The following MYO1D variants were observed in gnomAD, a reference collection of about 807,000 sequenced individuals.
MYO1D encodes unconventional myosin-Id.
MYO1D carries 83 observed loss-of-function variants against 122.0 expected under a neutral mutation model. The ratio of observed to expected loss-of-function variants is 0.68; its 90% CI spans 0.57 to 0.82. The LOEUF (loss-of-function observed/expected upper bound fraction) is 0.82. MYO1D is among the 40% of genes least tolerant of loss of function. The probability of loss-of-function intolerance (pLI) is 0.00; values close to 1 mark genes in which losing one functional copy is unlikely to be tolerated. For missense variants in MYO1D, 1,157 were observed against 1,269.5 expected (o/e 0.91, Z 1.35); for synonymous variants, 464 against 446.9 (o/e 1.04, Z -0.48).
chr17:32,761,376 T>C (rs1041864805), intron 8 of MYO1D, among the ~76,000 whole-genome samples: 2 of 152,212 alleles, frequency 1.3e-5, no homozygotes, highest in African/African-American at 4.8e-5. Context: ...TCTACATAGA[T>C]ACTTCTCGTA....
chr17:32,499,952 G>T (rs2150851990), intron 21 of MYO1D, among the ~76,000 whole-genome samples: 1 of 152,254 alleles, frequency 6.6e-6, no homozygotes, highest in Non-Finnish European at 1.5e-5. Context: ...GACAGAGCAA[G>T]ACCCCATCTT....
At chr17:32,687,088 C>T (rs2089024100) in intron 16 of MYO1D, among the ~76,000 whole-genome samples, 5 of 151,908 alleles carry the variant, frequency 3.3e-5, no homozygotes. Context: ...TTATTTAATA[C>T]AACTATACTA....
chr17:32,817,863 A>AC (rs1253262267), intron 1 of MYO1D, among the ~76,000 whole-genome samples: 1 of 152,052 alleles, frequency 6.6e-6, no homozygotes, highest in Admixed American at 6.6e-5. Context: ...GCGGTGGCTC[A>AC]CGCCTGTAAT....
intron 20 of MYO1D, among the ~76,000 whole-genome samples, chr17:32,630,865 G>A (rs1228198137): frequency 1.3e-5 from 2 of 152,186 alleles, no homozygotes; most frequent in East Asian, 3.9e-4. Context: ...GAGCCACCAC[G>A]CCCTGCCGGT....
chr17:32,866,963 C>A (rs2091130883), intron 1 of MYO1D, among the ~76,000 whole-genome samples: 1 of 152,120 alleles, frequency 6.6e-6, no homozygotes. Flanking sequence ...TTTCTGAATT[C>A]CCTCATAATA....
chr17:32,591,409 T>G (rs2087437510), intron 21 of MYO1D, among the ~76,000 whole-genome samples: 3 of 152,152 alleles, frequency 2.0e-5, no homozygotes, highest in African/African-American at 7.2e-5. Flanking sequence ...ACTGCGAACT[T>G]CTTAGGGTAA....
chr17:32,853,573 C>T (rs1030259512), intron 1 of MYO1D, among the ~76,000 whole-genome samples: 7 of 152,322 alleles, frequency 4.6e-5, no homozygotes, highest in African/African-American at 1.7e-4. Context: ...GATTACACTG[C>T]TGTAATTATT....
chr17:32,550,636 C>G (rs903426136), intron 21 of MYO1D, among the ~76,000 whole-genome samples: 1 of 152,088 alleles, frequency 6.6e-6, no homozygotes, highest in Admixed American at 6.6e-5. Context: ...TAAAAAGGTA[C>G]TTGCGAATAT....
At chr17:32,842,349 G>C (rs905483975) in intron 1 of MYO1D, among the ~76,000 whole-genome samples, 8 of 152,108 alleles carry the variant, frequency 5.3e-5, no homozygotes, top group Non-Finnish European at 1.0e-4. Context: ...CAAGGTTTCC[G>C]AGACAGTTAA....
In MYO1D at chr17:32,592,931, G is replaced by A. The variant is rs533470984; in HGVS notation, c.2864+12156C>T. ...GTACCGTATCACTTCCGCTTCTTTC[G>A]GGAAATGCTGGCCCCGTACACTTCG... On this transcript the variant is annotated intron_variant, in intron 21 of 21. Coordinates refer to ENST00000318217, the MANE Select transcript of MYO1D (RefSeq NM_015194.3). Among the ~76,000 whole-genome samples the A allele has an allele frequency of 5.3e-5, 8 of 152,114 alleles. No homozygotes were observed. The South Asian group carries it at 1.7e-3, about 32-fold the overall frequency.
chr17:32,725,176 A>G (rs1396047702), intron 14 of MYO1D, among the ~76,000 whole-genome samples: 1 of 152,156 alleles, frequency 6.6e-6, no homozygotes, highest in Non-Finnish European at 1.5e-5. Context: ...TGAAAAATAT[A>G]ATAAAGGAAA....
chr17:32,736,061 C>CTT (rs76959378), intron 14 of MYO1D, among the ~76,000 whole-genome samples: 4 of 142,344 alleles, frequency 2.8e-5, no homozygotes, highest in South Asian at 2.3e-4. Context: ...AAATGCAACT[C>CTT]TTTTTTTTTT....
chr17:32,637,707 A>G (rs1372244595), intron 20 of MYO1D, among the ~76,000 whole-genome samples: 13 of 152,054 alleles, frequency 8.5e-5, no homozygotes, highest in Admixed American at 7.9e-4. Flanking sequence ...GTGTCATATC[A>G]TTTTAGCCTT....
chr17:32,623,347 C>T (rs321155), intron 20 of MYO1D, among the ~76,000 whole-genome samples: 55,246 of 152,080 alleles, frequency 0.36, 10,561 homozygotes, highest in South Asian at 0.47. Flanking sequence ...TTCTGGACCT[C>T]AGCCAATAAC....
chr17:32,780,870 A>G, intron 1 of MYO1D, 86 bp from the exon 2 acceptor site: 1 of 1,274,460 alleles, frequency 7.8e-7, no homozygotes, highest in South Asian at 1.3e-5. Flanking sequence ...ATTTCCAAGG[A>G]AGTCCAAATA....
chr17:32,666,003 C>T (rs1368876744), intron 16 of MYO1D, among the ~76,000 whole-genome samples: 1 of 152,166 alleles, frequency 6.6e-6, no homozygotes, highest in Non-Finnish European at 1.5e-5. Context: ...CCCTCTCCTC[C>T]ACTAAGCCTG....
At chr17:32,872,845 C>G (rs557965038) in intron 1 of MYO1D, among the ~76,000 whole-genome samples, 1 of 150,222 alleles carries the variant, frequency 6.7e-6, no homozygotes, top group African/African-American at 2.5e-5. Flanking sequence ...TACAGGCGCC[C>G]GCCACCGCGC....
intron 16 of MYO1D, among the ~76,000 whole-genome samples, chr17:32,664,479 G>A (rs2088610702): frequency 6.6e-6 from 1 of 152,182 alleles, no homozygotes. Context: ...GCATATGGCT[G>A]AGAGGTTCAA....
At chr17:32,770,085 C>G (rs373285508) in intron 6 of MYO1D, among the ~76,000 whole-genome samples, 2 of 152,136 alleles carry the variant, frequency 1.3e-5, no homozygotes, top group African/African-American at 4.8e-5. Context: ...AGCCAAACAT[C>G]CTGCTCGCTC....
Sources: gnomAD v4.1 joint callset for allele counts (sites outside exome capture counted in the v4.1 genomes callset) on GRCh38, gnomAD v4.1.1 for gene constraint, MANE v1.5 for transcripts, NCBI Gene and HGNC (gene_info 2026-07-23, HGNC 2026-07-21) for gene names.